Variants in GLT1D1 observed in about 807,000 individuals in gnomAD.
GLT1D1 encodes glycosyltransferase 1 domain containing 1.
Under a neutral mutation model 28.7 loss-of-function variants are expected in GLT1D1, and 21 were observed. The ratio of observed to expected loss-of-function variants is 0.73; its 90% CI spans 0.52 to 1.05. GLT1D1 has a LOEUF of 1.05. Ranked by LOEUF, GLT1D1 falls within the 50% of genes least tolerant of loss-of-function variation. The pLI is 0.00. For missense variants in GLT1D1, 343 were observed against 330.6 expected (o/e 1.04, Z -0.29); for synonymous variants, 147 against 124.8 (o/e 1.18, Z -1.19).
At chr12:128,878,056 T>A (rs139471982) in intron 2 of GLT1D1, among the ~76,000 whole-genome samples, 216 of 152,360 alleles carry the variant, frequency 1.4e-3, no homozygotes, top group African/African-American at 5.1e-3. Flanking sequence ...TTGCCTTATT[T>A]TTCATGACCC....
chr12:128,949,747 C>CACACACACGCACACACACAG (rs1483566836), intron 6 of GLT1D1, among the ~76,000 whole-genome samples: 4 of 152,128 alleles, frequency 2.6e-5, no homozygotes, highest in Admixed American at 1.3e-4. Context: ...ATTAGGCTCA[C>CACACACACGCACACACACAG]ACACACACGC....
chr12:128,912,872 G>T (rs1871693471), intron 4 of GLT1D1, among the ~76,000 whole-genome samples: 1 of 152,100 alleles, frequency 6.6e-6, no homozygotes, highest in Non-Finnish European at 1.5e-5. Context: ...GTTTCGCCAT[G>T]TTGCCCAGGT....
intron 4 of GLT1D1, among the ~76,000 whole-genome samples, chr12:128,902,089 C>T (rs150976069): frequency 3.3e-5 from 5 of 151,714 alleles, no homozygotes; most frequent in Admixed American, 1.3e-4. Flanking sequence ...CTCAGTGAAC[C>T]AGTAGGTTTT....
Position 128,927,168 on chromosome 12 carries a change from C to CA in GLT1D1, c.376-18157dup. On this transcript the variant is annotated intron_variant, in intron 4 of 7. Coordinates refer to ENST00000281703, the MANE Select transcript of GLT1D1 (RefSeq NM_144669.3). ...GTGGGTCCTGAAGTAAGTTGATGTG[C>CA]AGTAAACACTTATCTCATCTCTGTT... The CA allele has an allele frequency of 6.6e-7, 1 of 1,520,422 alleles. No homozygotes were observed. The highest frequency in any genetic ancestry group is 8.8e-7 in the Non-Finnish European group (1 of 1,132,568). The allele number at this position is 1,520,422 out of a possible 1,614,324, so 94.2% of individuals were successfully genotyped here. A position where few individuals can be genotyped will look rare whatever the true frequency, so the allele number is the denominator to read the frequency against.
intron 2 of GLT1D1, among the ~76,000 whole-genome samples, chr12:128,881,653 T>G (rs572430410): frequency 1.4e-5 from 2 of 138,832 alleles, no homozygotes; most frequent in South Asian, 2.2e-4. Context: ...TAAATATATA[T>G]TATATATAAT....
intron 7 of GLT1D1, among the ~76,000 whole-genome samples, chr12:128,964,540 C>A (rs1183286977): frequency 6.6e-6 from 1 of 152,198 alleles, no homozygotes; most frequent in African/African-American, 2.4e-5. Context: ...AAATGTTCAC[C>A]CTGTGATGGA....
At position 128,947,407 on chromosome 12, in the gene GLT1D1, C is replaced by G. The variant is rs12581064; in HGVS notation, c.489C>G (p.Phe163Leu). The change falls in exon 6 of 8, where the codon TTC becomes TTG. Residue 163 changes from phenylalanine (F) to leucine (L), a missense_variant. Coordinates refer to ENST00000281703, the MANE Select transcript of GLT1D1 (RefSeq NM_144669.3). ...TGCACGCGGTGGTGAAGAATTGCTT[C>G]GCGGTGGTGAATAGCTCTGTCTCTG... 1 of 1,613,904 alleles carries G rather than the reference C, an allele frequency of 6.2e-7. No individual in the cohort carries two copies. The highest frequency in any genetic ancestry group is 8.5e-7 in the Non-Finnish European group (1 of 1,179,972).
At chr12:128,888,455 G>A (rs945337492) in intron 2 of GLT1D1, among the ~76,000 whole-genome samples, 184 bp from the exon 3 acceptor site, 1 of 152,164 alleles carries the variant, frequency 6.6e-6, no homozygotes, top group African/African-American at 2.4e-5. Context: ...GATTCCTCTT[G>A]GTGTTGTGTT....
intron 4 of GLT1D1, among the ~76,000 whole-genome samples, chr12:128,931,551 G>C (rs964305914): frequency 6.6e-6 from 1 of 152,018 alleles, no homozygotes; most frequent in South Asian, 2.1e-4. Flanking sequence ...CCGGTGATCC[G>C]CCTGCCTCGG....
intron 1 of GLT1D1, among the ~76,000 whole-genome samples, chr12:128,861,740 A>G (rs1374418766): frequency 1.3e-5 from 2 of 152,160 alleles, no homozygotes; most frequent in African/African-American, 4.8e-5. Context: ...CACGGACCAG[A>G]AAGGAGAGAA....
chr12:128,952,899 C>T (rs1876874206), intron 6 of GLT1D1, among the ~76,000 whole-genome samples: 1 of 146,668 alleles, frequency 6.8e-6, no homozygotes, highest in South Asian at 2.2e-4. Context: ...GTGCCTTAGC[C>T]TCCCGAGTAG....
intron 7 of GLT1D1, among the ~76,000 whole-genome samples, chr12:128,972,854 C>A (rs1365412411): frequency 6.6e-6 from 1 of 152,176 alleles, no homozygotes; most frequent in Non-Finnish European, 1.5e-5. Context: ...CTGTGTGCAT[C>A]CATTGTGCAA....
At position 128,949,847 on chromosome 12, in the gene GLT1D1, C is replaced by T. The variant is rs149158038; in HGVS notation, c.540+2389C>T. ...ATGTACACACGCACATGCACACGCA[C>T]GTACACACACGTGTACGCACACACA... On this transcript the variant is annotated intron_variant, in intron 6 of 7. Coordinates refer to ENST00000281703, the MANE Select transcript of GLT1D1 (RefSeq NM_144669.3). 3.7e-3 allele frequency among the ~76,000 whole-genome samples: 557 copies of T among 152,084 alleles called. 2 individuals carry two copies. The highest frequency in any genetic ancestry group is 0.014 in the Middle Eastern group (4 of 294).
intron 4 of GLT1D1, among the ~76,000 whole-genome samples, chr12:128,938,365 G>C (rs557400352): frequency 5.9e-5 from 9 of 152,282 alleles, no homozygotes; most frequent in Non-Finnish European, 1.0e-4. Flanking sequence ...TCTTGAAATA[G>C]ATTTCTAGGA....
Position 128,943,411 on chromosome 12 carries a change from A to C in GLT1D1, c.376-1915A>C, listed in dbSNP as rs1189812006. On this transcript the variant is annotated intron_variant, in intron 4 of 7. Coordinates refer to ENST00000281703, the MANE Select transcript of GLT1D1 (RefSeq NM_144669.3). ...AACTTGTTATTTATCAGGGCGGATC[A>C]TACATTTGGATCAAAAAGAGGAACC... Among the ~76,000 whole-genome samples, 4 of 151,500 alleles carry C rather than the reference A, an allele frequency of 2.6e-5. No individual in the cohort carries two copies. In the East Asian group the frequency reaches 7.7e-4, roughly 29 times the overall value.
intron 4 of GLT1D1, among the ~76,000 whole-genome samples, chr12:128,927,999 C>CAAAAAAAAAAAAAAAAA (rs938188484): frequency 2.1e-4 from 9 of 42,262 alleles, no homozygotes; most frequent in Non-Finnish European, 3.0e-4. Flanking sequence ...GACTCTGTCT[C>CAAAAAAAAAAAAAAAAA]AAAAAAAAAA....
chr12:128,876,052 G>C lies in GLT1D1; in HGVS notation c.207G>C (p.Arg69Ser), dbSNP rs1219318655. Residue 69 changes from arginine (R) to serine (S), a missense_variant, in exon 2 of 8, where the codon AGG becomes AGC. By Grantham distance (110) the Arg-to-Ser change is moderately radical (BLOSUM62 -1). Coordinates refer to ENST00000281703, the MANE Select transcript of GLT1D1 (RefSeq NM_144669.3). ...CTCTTCATCTCTATAGGGGAGGCAGGCTTTTGCAAGGTAATCCTCTTTTTC... is the reference window on the plus strand; with the variant it reads ...CTCTTCATCTCTATAGGGGAGGCAGCCTTTTGCAAGGTAATCCTCTTTTTC... 2 of 1,603,184 alleles carry C rather than the reference G, an allele frequency of 1.2e-6. No individual in the cohort carries two copies. The highest frequency in any genetic ancestry group is 1.7e-6 in the Non-Finnish European group (2 of 1,176,428).
intron 7 of GLT1D1, among the ~76,000 whole-genome samples, chr12:128,982,268 A>G (rs1210869701): frequency 6.6e-6 from 1 of 152,172 alleles, no homozygotes; most frequent in Non-Finnish European, 1.5e-5. Flanking sequence ...CCGATTAAGT[A>G]TGCATCACTC....
At chr12:128,857,157 C>G (rs1222763646) in intron 1 of GLT1D1, among the ~76,000 whole-genome samples, 1 of 152,214 alleles carries the variant, frequency 6.6e-6, no homozygotes, top group African/African-American at 2.4e-5. Flanking sequence ...TTTGTCCCAA[C>G]TCAGAGGTGA....
Sources: gnomAD v4.1 joint callset for allele counts (sites outside exome capture counted in the v4.1 genomes callset) on GRCh38, gnomAD v4.1.1 for gene constraint, MANE v1.5 for transcripts, NCBI Gene and HGNC (gene_info 2026-07-23, HGNC 2026-07-21) for gene names.